Variants in DMD observed in about 807,000 individuals in gnomAD.
DMD encodes the protein mutant dystrophin.
Under a neutral mutation model 330.1 loss-of-function variants are expected in DMD, and 63 were observed. The ratio of observed to expected loss-of-function variants is 0.19; its 90% CI spans 0.16 to 0.24. The LOEUF (loss-of-function observed/expected upper bound fraction) is 0.24, where lower values mean the gene tolerates loss of function less well. DMD is among the 10% of genes least tolerant of loss of function. The pLI, the probability that DMD is intolerant of heterozygous loss-of-function variation, is 1.00. For synonymous variants in DMD, 1,223 were observed against 959.8 expected (o/e 1.27, Z -5.07); for missense variants, 3,344 against 2,684.1 (o/e 1.25, Z -5.43).
chrX:31,141,851 GGA>G (rs1224451050), intron 76 of DMD, among the ~76,000 whole-genome samples: 2 of 111,500 alleles, frequency 1.8e-5, no homozygotes, highest in African/African-American at 6.5e-5. Flanking sequence ...GAGCGCCCAG[GGA>G]GAGTGAAGAA....
At chrX:33,205,714 T>C (rs1348271963) in intron 1 of DMD, among the ~76,000 whole-genome samples, 1 of 112,051 alleles carries the variant, frequency 8.9e-6, no homozygotes. Context: ...GTAAGCATTT[T>C]ATTTGCCCAT....
Position 32,484,905 on chromosome X carries a change from G to C in DMD, c.2803+14C>G, listed in dbSNP as rs1316835879. On this transcript the variant is annotated intron_variant, in intron 21 of 78. Transcript: ENST00000357033. ...GGAAAATGTCAAGTTAGCCATTTTA[G>C]GCTTTTTACTTACTTGTCTGTAGCT... 1 of 1,208,546 alleles carries C rather than the reference G, an allele frequency of 8.3e-7. No individual in the cohort carries two copies. Among genetic ancestry groups the C allele is most frequent in the East Asian group, 3.0e-5 (1 of 33,771 alleles).
At chrX:31,643,118 T>C (rs2079871257) in intron 54 of DMD, among the ~76,000 whole-genome samples, 1 of 111,715 alleles carries the variant, frequency 9.0e-6, no homozygotes, top group South Asian at 3.7e-4. Context: ...CCATTGTTCA[T>C]TTCACTCATC....
At chrX:31,695,907 A>T (rs1489222797) in intron 52 of DMD, among the ~76,000 whole-genome samples, 1 of 111,234 alleles carries the variant, frequency 9.0e-6, no homozygotes. Context: ...ATTTCCAAAT[A>T]GCTAAAAAGG....
chrX:31,401,829 G>T (rs934345548), intron 60 of DMD, among the ~76,000 whole-genome samples: 2 of 110,917 alleles, frequency 1.8e-5, no homozygotes, highest in Admixed American at 9.6e-5. Context: ...AAAAAACCCA[G>T]GCCCCATGTT....
chrX:31,500,010 C>T (rs2070281775), intron 56 of DMD, among the ~76,000 whole-genome samples: 1 of 110,751 alleles, frequency 9.0e-6, no homozygotes, highest in Non-Finnish European at 1.9e-5. Context: ...AATGTTTGAT[C>T]ATCCTAACTA....
intron 18 of DMD, among the ~76,000 whole-genome samples, chrX:32,503,178 T>C (rs1224010383): frequency 1.8e-5 from 2 of 111,214 alleles, no homozygotes; most frequent in Non-Finnish European, 3.8e-5. Context: ...GTCCAGGGAT[T>C]TGAGATCAGC....
chrX:32,191,694 A>C (rs2096976841), intron 44 of DMD, among the ~76,000 whole-genome samples: 1 of 111,687 alleles, frequency 9.0e-6, no homozygotes, highest in Non-Finnish European at 1.9e-5. Flanking sequence ...ATGACATACT[A>C]TTTCCATACA....
At chrX:32,255,518 G>C (rs891527679) in intron 43 of DMD, among the ~76,000 whole-genome samples, 3 of 110,127 alleles carry the variant, frequency 2.7e-5, no homozygotes, top group African/African-American at 9.9e-5. Context: ...TTACTATCTT[G>C]TTCCTTACAG....
intron 17 of DMD, among the ~76,000 whole-genome samples, chrX:32,539,851 T>C (rs1464314070): frequency 9.0e-6 from 1 of 111,458 alleles, no homozygotes; most frequent in Non-Finnish European, 1.9e-5. Flanking sequence ...TCCTATGTAG[T>C]TAGGATGCAG....
intron 1 of DMD, among the ~76,000 whole-genome samples, chrX:33,286,369 G>C (rs947553640): frequency 1.8e-5 from 2 of 111,593 alleles, no homozygotes; most frequent in Admixed American, 1.9e-4. Context: ...GGTAAAATTA[G>C]AGAAGTCCAG....
chrX:32,423,413 CTTAAATA>C (rs1356621161), intron 29 of DMD, among the ~76,000 whole-genome samples: 2 of 109,644 alleles, frequency 1.8e-5, no homozygotes, highest in Non-Finnish European at 3.8e-5. Context: ...ATATTAAATA[CTTAAATA>C]TTAATCATAT....
chrX:31,376,067 C>A (rs1373550984), intron 60 of DMD, among the ~76,000 whole-genome samples: 2 of 111,743 alleles, frequency 1.8e-5, no homozygotes, highest in Non-Finnish European at 3.8e-5. Context: ...TGATTTTTTA[C>A]ACCAATGTTT....
intron 21 of DMD, among the ~76,000 whole-genome samples, chrX:32,478,528 G>T (rs2041483980): frequency 9.0e-6 from 1 of 111,707 alleles, no homozygotes; most frequent in Non-Finnish European, 1.9e-5. Context: ...CATGATATAT[G>T]ATGATTAACA....
chrX:32,996,172 T>C (rs1215524948), intron 2 of DMD, among the ~76,000 whole-genome samples: 2 of 111,818 alleles, frequency 1.8e-5, no homozygotes, highest in Non-Finnish European at 3.8e-5. Context: ...AAGTATCATT[T>C]TGACGATTAA....
chrX:32,648,167 A>T (rs1002617805), intron 9 of DMD, among the ~76,000 whole-genome samples: 1 of 112,082 alleles, frequency 8.9e-6, no homozygotes, highest in African/African-American at 3.2e-5. Context: ...AGGACATGAC[A>T]TCTAGTACTC....
chrX:31,496,864 T>C lies in DMD; in HGVS notation c.8471A>G (p.Lys2824Arg). The C allele has an allele frequency of 8.3e-7, 1 of 1,211,821 alleles. No homozygotes were observed. ...TGCCTGCCGGCTTAATTCATCATCTTTCAGCTGTAGCCACACCAGAAGTTC... is the reference window on the plus strand; with the variant it reads ...TGCCTGCCGGCTTAATTCATCATCTCTCAGCTGTAGCCACACCAGAAGTTC... Reference protein sequence around the residue: ...LQELLVWLQLKDDELSRQAPI... With the variant: ...LQELLVWLQLRDDELSRQAPI... The change falls in exon 57 of 79, where the codon AAA becomes AGA. Residue 2824 changes from lysine (K) to arginine (R), a missense_variant. Lys to Arg is a conservative substitution (Grantham distance 26, BLOSUM62 2). Transcript: ENST00000357033.
chrX:32,303,161 T>G (rs2097529284), intron 42 of DMD, among the ~76,000 whole-genome samples: 1 of 111,685 alleles, frequency 9.0e-6, no homozygotes, highest in Non-Finnish European at 1.9e-5. Flanking sequence ...AGAATGCACA[T>G]GTCTAGATGA....
At chrX:33,291,654 T>G (rs774616053) in intron 1 of DMD, among the ~76,000 whole-genome samples, 1 of 111,690 alleles carries the variant, frequency 9.0e-6, no homozygotes, top group African/African-American at 3.2e-5. Context: ...CCCAATTTAT[T>G]TGAAGACTAT....
Sources: gnomAD v4.1 joint callset for allele counts (sites outside exome capture counted in the v4.1 genomes callset) on GRCh38, gnomAD v4.1.1 for gene constraint, MANE v1.5 for transcripts, NCBI Gene and HGNC (gene_info 2026-07-23, HGNC 2026-07-21) for gene names.